The following AKAP11 variants were observed in gnomAD, a reference collection of about 807,000 sequenced individuals.
AKAP11 encodes the protein A-kinase anchor protein 11.
AKAP11 carries 36 observed loss-of-function variants against 146.1 expected under a neutral mutation model. The ratio of observed to expected loss-of-function variants is 0.25; its 90% CI spans 0.19 to 0.33. The LOEUF (loss-of-function observed/expected upper bound fraction) is 0.33, where lower values mean the gene tolerates loss of function less well. AKAP11 is among the 10% of genes least tolerant of loss of function. AKAP11 has a pLI of 1.00. For missense variants in AKAP11, 2,201 were observed against 2,197.0 expected (o/e 1.00, Z -0.04); for synonymous variants, 780 against 786.5 (o/e 0.99, Z 0.14).
rs141991599 is a variant in AKAP11, at chr13:42,280,798, T to C, written c.-99-5188T>C. Among the ~76,000 whole-genome samples, 537 of 152,306 alleles carry C rather than the reference T, an allele frequency of 3.5e-3. 14 individuals carry two copies. The highest frequency in any genetic ancestry group is 0.032 in the Admixed American group (487 of 15,302). On this transcript the variant is annotated intron_variant, in intron 1 of 12. Coordinates refer to ENST00000025301, the MANE Select transcript of AKAP11 (RefSeq NM_016248.4). ...TTTGAACTGGTGCGTGAATAGTAAGTAGCAGTTCAGCTGGTGGAAGAGAGA... is the reference window on the plus strand; with the variant it reads ...TTTGAACTGGTGCGTGAATAGTAAGCAGCAGTTCAGCTGGTGGAAGAGAGA...
intron 3 of AKAP11, 24 bp from the exon 4 acceptor site, chr13:42,292,361 A>G (rs565011953): frequency 5.7e-6 from 8 of 1,400,100 alleles, no homozygotes; most frequent in East Asian, 2.3e-5. Context: ...AATTTGAAAT[A>G]TCTTTGCTTT....
chr13:42,311,096 G>C, intron 9 of AKAP11, among the ~76,000 whole-genome samples: 1 of 152,052 alleles, frequency 6.6e-6, no homozygotes, highest in East Asian at 1.9e-4. Flanking sequence ...TTAAGGGATG[G>C]GGCCAGATTT....
intron 9 of AKAP11, among the ~76,000 whole-genome samples, 170 bp from the exon 10 acceptor site, chr13:42,312,877 G>A (rs1960629577): frequency 6.6e-6 from 1 of 152,160 alleles, no homozygotes. Context: ...AACTTGTCAG[G>A]CACCTTTTAG....
intron 8 of AKAP11, among the ~76,000 whole-genome samples, chr13:42,305,409 A>C (rs2138635917): frequency 6.6e-6 from 1 of 152,238 alleles, no homozygotes; most frequent in South Asian, 2.1e-4. Context: ...TATTTGCCCT[A>C]ATCAGGCAGC....
At chr13:42,313,772 C>A (rs1960677989) in intron 10 of AKAP11, 122 bp from the exon 11 acceptor site, 2 of 735,358 alleles carry the variant, frequency 2.7e-6, no homozygotes, top group African/African-American at 1.8e-5. Context: ...TCATTTCTCC[C>A]CTTTCTAAAT....
At chr13:42,289,972 A>T (rs1317409001) in intron 3 of AKAP11, among the ~76,000 whole-genome samples, 2 of 152,198 alleles carry the variant, frequency 1.3e-5, no homozygotes, top group Non-Finnish European at 2.9e-5. Flanking sequence ...GTATGTCAGT[A>T]TCATTACCAC....
At chr13:42,281,980 C>CTTT (rs374402483) in intron 1 of AKAP11, among the ~76,000 whole-genome samples, 1 of 141,484 alleles carries the variant, frequency 7.1e-6, no homozygotes, top group Non-Finnish European at 1.5e-5. Context: ...TTTTTTCTTT[C>CTTT]TTTTTTTTTT....
intron 9 of AKAP11, among the ~76,000 whole-genome samples, chr13:42,309,085 T>A (rs1324507987): frequency 6.6e-6 from 1 of 152,180 alleles, no homozygotes; most frequent in African/African-American, 2.4e-5. Flanking sequence ...CCTGGAAGAC[T>A]TATGCTTGAA....
rs538094268 is a variant in AKAP11, at chr13:42,313,701, C to T, written c.5358-193C>T. 3.9e-5 allele frequency among the ~76,000 whole-genome samples: 6 copies of T among 152,238 alleles called. No homozygotes were observed. In the East Asian group the frequency reaches 1.2e-3, roughly 29 times the overall value. Reference sequence around the variant, plus strand: ...TCTTGGTTTTGATAACTTTAGGGATCATTTGCAATTCAGATTTTAACATGA... The same window carrying T: ...TCTTGGTTTTGATAACTTTAGGGATTATTTGCAATTCAGATTTTAACATGA... On this transcript the variant is annotated intron_variant, in intron 10 of 12. Coordinates refer to ENST00000025301, the MANE Select transcript of AKAP11 (RefSeq NM_016248.4).
chr13:42,290,510 A>C (rs1178113377), intron 3 of AKAP11, among the ~76,000 whole-genome samples: 1 of 152,240 alleles, frequency 6.6e-6, no homozygotes, highest in Non-Finnish European at 1.5e-5. Flanking sequence ...GATTTAGGAT[A>C]CATGGATAAT....
At chr13:42,299,327 C>A in intron 7 of AKAP11, 36 bp from the exon 8 acceptor site, 1 of 1,542,888 alleles carries the variant, frequency 6.5e-7, no homozygotes, top group South Asian at 1.3e-5. Context: ...AAGTTTTGTT[C>A]AAAAATAATT....
chr13:42,284,478 A>C (rs889542666), intron 1 of AKAP11, among the ~76,000 whole-genome samples: 3 of 152,240 alleles, frequency 2.0e-5, no homozygotes, highest in Non-Finnish European at 4.4e-5. Flanking sequence ...ACTGTGGAGA[A>C]GAAAGGAGAG....
At chr13:42,276,493 G>A (rs1386280377) in intron 1 of AKAP11, among the ~76,000 whole-genome samples, 1 of 152,132 alleles carries the variant, frequency 6.6e-6, no homozygotes, top group Non-Finnish European at 1.5e-5. Flanking sequence ...CCGTCCACCT[G>A]CCTTGGCCTC....
In AKAP11 at chr13:42,300,723, C is replaced by A; in HGVS notation, c.1977C>A (p.Ile659=). 2 of 1,614,076 alleles carry A rather than the reference C, an allele frequency of 1.2e-6. No homozygotes were observed. Among genetic ancestry groups the A allele is most frequent in the Non-Finnish European group, 1.7e-6 (2 of 1,179,948 alleles). ...DLAEELVFEG[I]MEVCQFSYPQ... ...CTGAAGAGCTTGTTTTTGAAGGCATCATGGAGGTGTGTCAGTTTTCATATC... is the reference window on the plus strand; with the variant it reads ...CTGAAGAGCTTGTTTTTGAAGGCATAATGGAGGTGTGTCAGTTTTCATATC... Residue 659 remains isoleucine (I), a synonymous_variant, in exon 8 of 13, where the codon ATC becomes ATA. Transcript: ENST00000025301.
At chr13:42,273,558 A>T (rs956722432) in intron 1 of AKAP11, among the ~76,000 whole-genome samples, 1 of 152,118 alleles carries the variant, frequency 6.6e-6, no homozygotes, top group Admixed American at 6.5e-5. Flanking sequence ...TGAGCTAGAG[A>T]CTAATGTATG....
At chr13:42,297,292 G>A in intron 6 of AKAP11, 110 bp downstream of exon 6, 1 of 767,664 alleles carries the variant, frequency 1.3e-6, no homozygotes, top group South Asian at 2.6e-5. Flanking sequence ...TTTTTAAATG[G>A]TATCTCAAGG....
At chr13:42,313,574 T>C (rs1960670754) in intron 10 of AKAP11, among the ~76,000 whole-genome samples, 1 of 152,218 alleles carries the variant, frequency 6.6e-6, no homozygotes, top group Admixed American at 6.5e-5. Flanking sequence ...TTTTGTAATA[T>C]TCAAATGCTA....
intron 1 of AKAP11, among the ~76,000 whole-genome samples, chr13:42,284,492 A>G (rs190400981): frequency 3.0e-4 from 45 of 152,338 alleles, no homozygotes; most frequent in African/African-American, 8.7e-4. Flanking sequence ...AGGAGAGTGA[A>G]GTGGCCTGGG....
At chr13:42,271,592 C>A (rs1958768817), upstream of AKAP11, among the ~76,000 whole-genome samples, 1 of 152,132 alleles carries the variant, frequency 6.6e-6, no homozygotes, top group Admixed American at 6.5e-5. Context: ...AGCCTTGTGG[C>A]GAAGAAGGAG....
Sources: allele counts gnomAD v4.1 joint callset (sites outside exome capture counted in the v4.1 genomes callset), GRCh38; gene constraint gnomAD v4.1.1; transcripts MANE v1.5; gene names NCBI Gene and HGNC (gene_info 2026-07-23, HGNC 2026-07-21).